PSMF1: variants seen among roughly 807,000 people sequenced by gnomAD.
PSMF1 encodes proteasome inhibitor PI31 subunit.
PSMF1 carries 30 observed loss-of-function variants against 29.3 expected under a neutral mutation model. The observed-to-expected ratio is 1.02, with a 90% confidence interval of 0.77 to 1.39. The LOEUF is 1.39. PSMF1 is among the 40% of genes most tolerant of loss of function. PSMF1 has a pLI of 0.00. For synonymous variants in PSMF1, 134 were observed against 139.7 expected (o/e 0.96, Z 0.29); for missense variants, 344 against 357.5 (o/e 0.96, Z 0.31).
intron 1 of PSMF1, among the ~76,000 whole-genome samples, chr20:1,121,860 A>G (rs2086091875): frequency 6.6e-6 from 1 of 152,202 alleles, no homozygotes; most frequent in African/African-American, 2.4e-5. Context: ...CACTCCTCAC[A>G]AGAACTTTAC....
intron 2 of PSMF1, 98 bp from the exon 3 acceptor site, chr20:1,127,328 A>C: frequency 1.1e-6 from 1 of 914,912 alleles, no homozygotes; most frequent in Non-Finnish European, 1.8e-6. Context: ...ACATATGTGA[A>C]TATTTCTTTA....
chr20:1,159,111 C>A (rs1323064548), intron 4 of PSMF1, among the ~76,000 whole-genome samples: 1 of 151,636 alleles, frequency 6.6e-6, no homozygotes, highest in Non-Finnish European at 1.5e-5. Context: ...ATAATGAGGT[C>A]ACAGAAGTCT....
chr20:1,122,208 C>A (rs2086096169), intron 1 of PSMF1, among the ~76,000 whole-genome samples: 1 of 152,118 alleles, frequency 6.6e-6, no homozygotes, highest in Non-Finnish European at 1.5e-5. Flanking sequence ...ATTCCAAGCA[C>A]AGCCCTACAC....
At chr20:1,134,575 C>G (rs909675286) in intron 3 of PSMF1, among the ~76,000 whole-genome samples, 2 of 152,168 alleles carry the variant, frequency 1.3e-5, no homozygotes, top group African/African-American at 4.8e-5. Flanking sequence ...TCAGCTGTGG[C>G]TCACGTCACT....
rs11557002 is a variant in PSMF1 at position 1,118,834 on chromosome 20, G to T, written c.61G>T (p.Ala21Ser). The change falls in exon 1 of 7, where the codon GCG becomes TCG. Residue 21 changes from alanine (A) to serine (S), a missense_variant. Ala to Ser is a moderately conservative substitution (Grantham distance 99). Transcript: ENST00000335877. The stretch of plus-strand genomic sequence containing the variant: ...GCCGGCCATCACCTGCAGGCAGGAC[G>T]CGCTCGTCTGCTTCTTGCATTGGGA... ...AAPAITCRQD[A>S]LVCFLHWEVV... 2 of 1,613,492 alleles carry T rather than the reference G, an allele frequency of 1.2e-6. No individual in the cohort carries two copies. The highest frequency in any genetic ancestry group is 1.7e-6 in the Non-Finnish European group (2 of 1,179,538).
intron 4 of PSMF1, among the ~76,000 whole-genome samples, chr20:1,142,573 A>G (rs1324786161): frequency 1.3e-5 from 2 of 152,224 alleles, no homozygotes; most frequent in Admixed American, 6.5e-5. Context: ...TTCCAGCTTC[A>G]TCCATGTCCC....
Position 1,165,608 on chromosome 20 carries a change from A to G in PSMF1, c.*528A>G, listed in dbSNP as rs1386602777. The G allele has an allele frequency of 1.0e-6, 1 of 994,562 alleles. No homozygotes were observed. Among genetic ancestry groups the G allele is most frequent in the Non-Finnish European group, 1.2e-6 (1 of 835,292 alleles). The allele number at this position is 994,562 out of a possible 1,614,324, so 61.6% of individuals were successfully genotyped here. ...CTTGCTTCTCAGGCACCTTCCGTTT[A>G]TTAATTGCCATTGCTCCTGACATCA... is the stretch of plus-strand genomic sequence containing the variant. On this transcript the variant is annotated 3_prime_UTR_variant, in exon 7 of 7. Transcript: ENST00000335877.
In PSMF1 at chr20:1,163,287, G is replaced by T; in HGVS notation, c.605+104G>T. 7.8e-7 allele frequency: 1 copy of T among 1,290,256 alleles called. No homozygotes were observed. Among genetic ancestry groups the T allele is most frequent in the South Asian group, 1.3e-5 (1 of 78,554 alleles). 79.9% of individuals were successfully genotyped at this position (1,290,256 alleles called of 1,614,324 possible). A position where few individuals can be genotyped will look rare whatever the true frequency, so the allele number is the denominator to read the frequency against. On this transcript the variant is annotated intron_variant, in intron 5 of 6. Transcript: ENST00000335877. The surrounding 1 kb of genome is among the most constrained non-coding windows in gnomAD (Gnocchi z 6.1). ...AGTTTTCGGTCAGTCTCTTCCTTTG[G>T]GGTGGAGGAGGCAGTTGTTGCTGAG...
At chr20:1,146,048 C>A (rs1370273570) in intron 4 of PSMF1, among the ~76,000 whole-genome samples, 2 of 152,154 alleles carry the variant, frequency 1.3e-5, no homozygotes, top group Non-Finnish European at 2.9e-5. Context: ...ATGTTTTTCT[C>A]TGTGGGTTCA....
At chr20:1,155,914 T>A (rs1392882705) in intron 4 of PSMF1, among the ~76,000 whole-genome samples, 1 of 152,108 alleles carries the variant, frequency 6.6e-6, no homozygotes, top group Non-Finnish European at 1.5e-5. Context: ...ACCAAGAAAA[T>A]TTCAACTCTG....
chr20:1,134,099 C>A (rs2086272566), intron 3 of PSMF1, among the ~76,000 whole-genome samples: 1 of 151,378 alleles, frequency 6.6e-6, no homozygotes, highest in African/African-American at 2.4e-5. Flanking sequence ...TTATTGACTT[C>A]TGTTCTTACC....
chr20:1,150,492 T>C (rs758693261), intron 4 of PSMF1, among the ~76,000 whole-genome samples: 2 of 152,118 alleles, frequency 1.3e-5, no homozygotes, highest in Non-Finnish European at 2.9e-5. Context: ...TTTGACCTCA[T>C]GGGACAGGAG....
intron 4 of PSMF1, among the ~76,000 whole-genome samples, chr20:1,151,612 C>T (rs915227027): frequency 3.9e-5 from 6 of 152,192 alleles, no homozygotes; most frequent in African/African-American, 1.4e-4. Flanking sequence ...GGGAATATGT[C>T]ATGAGGTGTG....
At chr20:1,123,366 C>G (rs956729161) in intron 1 of PSMF1, among the ~76,000 whole-genome samples, 1 of 152,170 alleles carries the variant, frequency 6.6e-6, no homozygotes, top group Non-Finnish European at 1.5e-5. Flanking sequence ...CTCCCTCCCG[C>G]TGTATTCTCA....
chr20:1,158,767 G>A (rs963006892), intron 4 of PSMF1, among the ~76,000 whole-genome samples: 2 of 152,170 alleles, frequency 1.3e-5, no homozygotes, highest in African/African-American at 4.8e-5. Context: ...TTTGAGTTCA[G>A]AGGCCATGTA....
chr20:1,158,092 TTG>T (rs1268559167), intron 4 of PSMF1, among the ~76,000 whole-genome samples: 2 of 152,118 alleles, frequency 1.3e-5, no homozygotes, highest in Non-Finnish European at 2.9e-5. Flanking sequence ...AATGGAATTA[TTG>T]TGTCTCCTGG....
chr20:1,154,136 A>G (rs2086565593), intron 4 of PSMF1, among the ~76,000 whole-genome samples: 1 of 152,246 alleles, frequency 6.6e-6, no homozygotes, highest in Admixed American at 6.5e-5. Flanking sequence ...GAGATCCAAA[A>G]TGATATAGTA....
In PSMF1 at chr20:1,165,084, C is replaced by T. The variant is rs770529679; in HGVS notation, c.*4C>T. 1.2e-6 allele frequency: 2 copies of T among 1,614,188 alleles called. No individual in the cohort carries two copies. The highest frequency in any genetic ancestry group is 1.7e-5 in the Admixed American group (1 of 60,030). The stretch of plus-strand genomic sequence containing the variant: ...CTACGATGACATGTACCTGTGAAGG[C>T]CTCAAGAATGTAACATCCCAGGCTT... On this transcript the variant is annotated 3_prime_UTR_variant, in exon 7 of 7. Coordinates refer to ENST00000335877, the MANE Select transcript of PSMF1 (RefSeq NM_006814.5).
chr20:1,127,378 T>C, intron 2 of PSMF1, 48 bp from the exon 3 acceptor site: 1 of 1,446,522 alleles, frequency 6.9e-7, no homozygotes. Context: ...CCTCCCACTC[T>C]TAGCCAGAAA....
Sources: allele counts gnomAD v4.1 joint callset (sites outside exome capture counted in the v4.1 genomes callset), GRCh38; gene constraint gnomAD v4.1.1; non-coding constraint Gnocchi (gnomAD v3.1); transcripts MANE v1.5; gene names NCBI Gene and HGNC (gene_info 2026-07-23, HGNC 2026-07-21).